The following TYW1B variants were observed in gnomAD, a reference collection of about 807,000 sequenced individuals.
TYW1B encodes S-adenosyl-L-methionine-dependent tRNA 4-demethylwyosine synthase TYW1B.
A neutral mutation model predicts 86.9 loss-of-function variants in TYW1B; 73 were observed. The ratio of observed to expected loss-of-function variants is 0.84; its 90% CI spans 0.70 to 1.02. TYW1B has a LOEUF of 1.02. TYW1B is among the 50% of genes least tolerant of loss of function. The pLI is 0.00. For missense variants in TYW1B, 637 were observed against 827.4 expected (o/e 0.77, Z 2.82); for synonymous variants, 248 against 292.8 (o/e 0.85, Z 1.56).
chr7:72,713,775 G>A lies in TYW1B; in HGVS notation c.1216C>T (p.Arg406Cys), dbSNP rs782046369. ...FKGVPGVKAE[R>C]FEEGMTVKHC... The stretch of plus-strand genomic sequence containing the variant: ...TTTACCGTCATTCCTTCTTCAAAGC[G>A]TTCTGCTTTGACGCCCGGTACTCCT... Residue 406 changes from arginine to cysteine, a missense_variant, in exon 10 of 14, where the codon CGC (arginine) becomes TGC (cysteine). Physicochemically the swap from Arg to Cys is radical, Grantham distance 180. Coordinates refer to ENST00000620995, the MANE Select transcript of TYW1B (RefSeq NM_001145440.3). 7.5e-6 allele frequency: 12 copies of A among 1,594,942 alleles called. No homozygotes were observed. The highest frequency in any genetic ancestry group is 3.4e-5 in the South Asian group (3 of 88,948).
At chr7:72,752,694 G>A (rs551121168) in intron 7 of TYW1B, among the ~76,000 whole-genome samples, 196 of 152,156 alleles carry the variant, frequency 1.3e-3, no homozygotes, top group Non-Finnish European at 2.1e-3. Context: ...TTGCACCACC[G>A]CACTCCAGCC....
chr7:72,605,361 T>C (rs1205649101), intron 13 of TYW1B, among the ~76,000 whole-genome samples: 112 of 150,188 alleles, frequency 7.5e-4, no homozygotes, highest in African/African-American at 2.6e-3. Context: ...TTTGTTTTGT[T>C]TTTTTTTTTT....
intron 13 of TYW1B, among the ~76,000 whole-genome samples, chr7:72,602,988 T>A (rs143904994): frequency 0.012 from 1,871 of 152,190 alleles, 25 homozygotes; most frequent in African/African-American, 0.043. Flanking sequence ...AAGGTAGTAC[T>A]GGATTATAAC....
intron 2 of TYW1B, among the ~76,000 whole-genome samples, chr7:72,825,310 A>T (rs369986314): frequency 6.6e-6 from 1 of 152,186 alleles, no homozygotes; most frequent in South Asian, 2.1e-4. Context: ...ACTAGATATC[A>T]GCTGTATTTA....
intron 11 of TYW1B, among the ~76,000 whole-genome samples, chr7:72,638,084 G>T (rs1363905220): frequency 6.7e-6 from 1 of 150,018 alleles, no homozygotes; most frequent in Non-Finnish European, 1.5e-5. Context: ...CTTTTGTAAT[G>T]GGGGAAAAAA....
At chr7:72,666,297 G>A (rs551097502) in intron 11 of TYW1B, among the ~76,000 whole-genome samples, 1 of 151,970 alleles carries the variant, frequency 6.6e-6, no homozygotes, top group South Asian at 2.1e-4. Context: ...ATGGTGGCAC[G>A]CACCTGTAGT....
chr7:72,725,516 T>A (rs1786982673), intron 9 of TYW1B, among the ~76,000 whole-genome samples: 2 of 152,202 alleles, frequency 1.3e-5, no homozygotes, highest in Non-Finnish European at 2.9e-5. Context: ...TGTGTCAACC[T>A]GTCTGGGTCA....
At chr7:72,721,415 C>T (rs1476057770) in intron 9 of TYW1B, among the ~76,000 whole-genome samples, 3 of 152,092 alleles carry the variant, frequency 2.0e-5, no homozygotes, top group African/African-American at 7.2e-5. Context: ...CCTGTTGTTT[C>T]CTGACTTTTT....
chr7:72,694,993 G>A (rs1475695626), intron 10 of TYW1B, among the ~76,000 whole-genome samples, 171 bp from the exon 11 acceptor site: 16 of 152,080 alleles, frequency 1.1e-4, no homozygotes, highest in Non-Finnish European at 2.2e-4. Flanking sequence ...AAAATGGGAC[G>A]GCCTCTGGTT....
intron 12 of TYW1B, among the ~76,000 whole-genome samples, chr7:72,617,871 T>C (rs1436298991): frequency 2.6e-5 from 4 of 152,162 alleles, no homozygotes; most frequent in South Asian, 2.1e-4. Flanking sequence ...CTCTACCTAA[T>C]AGCCAAGGCA....
intron 13 of TYW1B, among the ~76,000 whole-genome samples, chr7:72,605,086 C>A (rs1313853829): frequency 2.0e-5 from 3 of 152,148 alleles, no homozygotes; most frequent in African/African-American, 7.2e-5. Context: ...TTAAATAAAT[C>A]ATCCATTTTC....
intron 3 of TYW1B, among the ~76,000 whole-genome samples, chr7:72,812,929 C>A (rs1788648414): frequency 6.6e-6 from 1 of 151,988 alleles, no homozygotes; most frequent in African/African-American, 2.4e-5. Context: ...TGAGCTCAAG[C>A]GATCCACCAG....
intron 11 of TYW1B, among the ~76,000 whole-genome samples, chr7:72,635,946 G>A (rs570645916): frequency 9.9e-5 from 15 of 152,256 alleles, no homozygotes; most frequent in African/African-American, 2.4e-4. Context: ...ATTCCAATGC[G>A]CAGCACGGCT....
chr7:72,640,497 A>T (rs1812777497), intron 11 of TYW1B, among the ~76,000 whole-genome samples: 1 of 152,022 alleles, frequency 6.6e-6, no homozygotes. Context: ...AAAAGAAAAA[A>T]GTTGTACTAT....
intron 13 of TYW1B, among the ~76,000 whole-genome samples, chr7:72,608,341 A>G (rs1811851409): frequency 6.6e-6 from 1 of 152,234 alleles, no homozygotes; most frequent in South Asian, 2.1e-4. Context: ...AAATTGTAAT[A>G]TGATGCCATG....
chr7:72,593,267 T>C (rs1196724345), intron 13 of TYW1B, among the ~76,000 whole-genome samples: 1 of 146,684 alleles, frequency 6.8e-6, no homozygotes, highest in African/African-American at 2.6e-5. Context: ...CACTCCAGCC[T>C]GGGCAACAAG....
At chr7:72,762,096 A>G (rs1007867163) in intron 7 of TYW1B, among the ~76,000 whole-genome samples, 3 of 152,182 alleles carry the variant, frequency 2.0e-5, no homozygotes, top group East Asian at 1.9e-4. Context: ...TGGTTTACCT[A>G]AAGTATTTGC....
chr7:72,631,193 A>G (rs1348934431), intron 11 of TYW1B, among the ~76,000 whole-genome samples: 4 of 152,120 alleles, frequency 2.6e-5, no homozygotes, highest in East Asian at 1.9e-4. Context: ...TCTCCAGTCA[A>G]TAGTCAACAC....
intron 11 of TYW1B, among the ~76,000 whole-genome samples, chr7:72,669,136 T>C (rs1554445847): frequency 2.6e-5 from 3 of 114,624 alleles, no homozygotes; most frequent in African/African-American, 9.9e-5. Flanking sequence ...ATTTTAAACT[T>C]TTTTTTTTTT....
Sources: gnomAD v4.1 joint callset for allele counts (sites outside exome capture counted in the v4.1 genomes callset) on GRCh38, gnomAD v4.1.1 for gene constraint, MANE v1.5 for transcripts, NCBI Gene and HGNC (gene_info 2026-07-23, HGNC 2026-07-21) for gene names.